Variants in ZWILCH observed in about 807,000 individuals in gnomAD.
The protein encoded by ZWILCH is zwilch kinetochore protein.
A neutral mutation model predicts 79.9 loss-of-function variants in ZWILCH; 74 were observed. The ratio of observed to expected loss-of-function variants is 0.93; its 90% confidence interval spans 0.77 to 1.12. ZWILCH has a LOEUF of 1.12. ZWILCH is among the 50% of genes most tolerant of loss of function. ZWILCH has a pLI of 0.00. For missense variants in ZWILCH, 694 were observed against 687.5 expected (o/e 1.01, Z -0.11); for synonymous variants, 241 against 228.2 (o/e 1.06, Z -0.51).
At chr15:66,508,797 G>A (rs1426212003) in intron 1 of ZWILCH, 44 bp from the exon 2 acceptor site, 1 of 1,612,108 alleles carries the variant, frequency 6.2e-7, no homozygotes, top group Non-Finnish European at 8.5e-7. Flanking sequence ...AATAACGGGA[G>A]AGATAATGTA....
At chr15:66,537,626 G>A (rs1392307332) in intron 16 of ZWILCH, among the ~76,000 whole-genome samples, 1 of 152,100 alleles carries the variant, frequency 6.6e-6, no homozygotes, top group Admixed American at 6.6e-5. Context: ...GGGAGGCAGA[G>A]GTTGCAGTGA....
chr15:66,544,126 G>C (rs769192768), intron 17 of ZWILCH, among the ~76,000 whole-genome samples: 1 of 151,620 alleles, frequency 6.6e-6, no homozygotes. Context: ...GCATGGTGGC[G>C]CATGCCTGTA....
At chr15:66,543,593 C>T (rs780019059) in intron 17 of ZWILCH, among the ~76,000 whole-genome samples, 11 of 151,954 alleles carry the variant, frequency 7.2e-5, no homozygotes, top group Non-Finnish European at 1.5e-4. Flanking sequence ...CCGATCTGTA[C>T]AAAAAATACA....
At chr15:66,507,657 C>G (rs1053687142) in intron 1 of ZWILCH, among the ~76,000 whole-genome samples, 5 of 152,188 alleles carry the variant, frequency 3.3e-5, no homozygotes, top group African/African-American at 1.2e-4. Flanking sequence ...AGGGACTATG[C>G]TTTTGTTTGA....
At chr15:66,516,695 C>T (rs192091592) in intron 4 of ZWILCH, among the ~76,000 whole-genome samples, 44 of 152,140 alleles carry the variant, frequency 2.9e-4, no homozygotes, top group Admixed American at 1.9e-3. Flanking sequence ...TTAGTAGAAA[C>T]GGGGTTTCAC....
chr15:66,521,351 C>T (rs976045438), intron 7 of ZWILCH, 146 bp downstream of exon 7: 63 of 879,906 alleles, frequency 7.2e-5, no homozygotes, highest in African/African-American at 6.0e-4. Context: ...TTGCCACTAA[C>T]GTCTCACCAG....
chr15:66,529,674 G>T, intron 12 of ZWILCH, 101 bp downstream of exon 12: 1 of 870,596 alleles, frequency 1.1e-6, no homozygotes, highest in Non-Finnish European at 1.9e-6. Context: ...TTTCAGCTCT[G>T]CTACTTTCTA....
At chr15:66,523,878 C>T (rs1894588229) in intron 8 of ZWILCH, 130 bp downstream of exon 8, 1 of 571,816 alleles carries the variant, frequency 1.7e-6, no homozygotes, top group South Asian at 4.0e-5. Context: ...GAAGCTCTGA[C>T]AGTTTGGGCA....
intron 14 of ZWILCH, among the ~76,000 whole-genome samples, chr15:66,535,505 GTC>G (rs1347921204): frequency 3.3e-5 from 5 of 151,914 alleles, no homozygotes; most frequent in Non-Finnish European, 7.4e-5. Flanking sequence ...GTGAATTCCT[GTC>G]TCTAATAAAA....
chr15:66,537,114 A>T, intron 15 of ZWILCH, 54 bp from the exon 16 acceptor site: 1 of 1,417,240 alleles, frequency 7.1e-7, no homozygotes, highest in African/African-American at 1.4e-5. Context: ...TACCAGAAAA[A>T]CGTTATGTCA....
Position 66,548,899 on chromosome 15 carries a change from G to C in ZWILCH, c.*575G>C, listed in dbSNP as rs1895487307. ...ACTTATACTTTCTAAATTCATCTCAGAATATTAGCAGCCATATTCCACAGT... is the reference window on the plus strand; with the variant it reads ...ACTTATACTTTCTAAATTCATCTCACAATATTAGCAGCCATATTCCACAGT... On this transcript the variant is annotated 3_prime_UTR_variant, in exon 19 of 19. Coordinates refer to ENST00000307897, the MANE Select transcript of ZWILCH (RefSeq NM_017975.5). 1 of 176,224 alleles carries C rather than the reference G, an allele frequency of 5.7e-6. No homozygotes were observed. Among genetic ancestry groups the C allele is most frequent in the Middle Eastern group, 2.3e-3 (1 of 436 alleles). 10.9% of individuals were successfully genotyped at this position (176,224 alleles called of 1,614,324 possible). A position where few individuals can be genotyped will look rare whatever the true frequency, so the allele number is the denominator to read the frequency against.
intron 7 of ZWILCH, among the ~76,000 whole-genome samples, chr15:66,521,706 C>CCT (rs1005673015): frequency 2.6e-5 from 4 of 152,046 alleles, no homozygotes; most frequent in African/African-American, 9.7e-5. Flanking sequence ...GTTTCCCAAG[C>CCT]TGGTCTCAAA....
At chr15:66,544,410 C>T (rs1362601910) in intron 17 of ZWILCH, among the ~76,000 whole-genome samples, 1 of 152,050 alleles carries the variant, frequency 6.6e-6, no homozygotes, top group African/African-American at 2.4e-5. Flanking sequence ...TGCCTCACTG[C>T]AGACTCAATC....
intron 16 of ZWILCH, among the ~76,000 whole-genome samples, chr15:66,539,401 CAAAAAAAAAA>C (rs536047404): frequency 1.7e-5 from 1 of 58,056 alleles, no homozygotes; most frequent in Non-Finnish European, 3.5e-5. Flanking sequence ...AAGACCCTGT[CAAAAAAAAAA>C]AAAAAAAAAA....
intron 1 of ZWILCH, among the ~76,000 whole-genome samples, chr15:66,506,158 A>G (rs1893808285): frequency 6.6e-6 from 1 of 152,182 alleles, no homozygotes; most frequent in South Asian, 2.1e-4. Flanking sequence ...AATCTAGCCC[A>G]TGATTTCCTA....
chr15:66,539,361 G>A (rs1006492790), intron 16 of ZWILCH, among the ~76,000 whole-genome samples: 1 of 132,384 alleles, frequency 7.6e-6, no homozygotes, highest in Admixed American at 9.0e-5. Context: ...CTGTGATCAC[G>A]CCACTGCACT....
chr15:66,526,696 T>G (rs780607214), intron 8 of ZWILCH, among the ~76,000 whole-genome samples: 6 of 152,026 alleles, frequency 3.9e-5, no homozygotes, highest in Non-Finnish European at 5.9e-5. Flanking sequence ...TCTCCTGACC[T>G]CATGATCCAC....
At chr15:66,544,146 A>T (rs1368470666) in intron 17 of ZWILCH, among the ~76,000 whole-genome samples, 2 of 151,532 alleles carry the variant, frequency 1.3e-5, no homozygotes, top group Non-Finnish European at 2.9e-5. Flanking sequence ...AATCCCAGCT[A>T]CTCAGGAGGC....
At chr15:66,514,551 C>G (rs553621161) in intron 3 of ZWILCH, 3 of 153,764 alleles carry the variant, frequency 2.0e-5, no homozygotes, top group Admixed American at 1.9e-4. Context: ...CATCGTGATC[C>G]ACTCACCTCG....
Sources: allele counts gnomAD v4.1 joint callset (sites outside exome capture counted in the v4.1 genomes callset), GRCh38; gene constraint gnomAD v4.1.1; transcripts MANE v1.5; gene names NCBI Gene and HGNC (gene_info 2026-07-23, HGNC 2026-07-21).